The following ANKFY1 variants were observed in gnomAD, a reference collection of about 807,000 sequenced individuals.
ANKFY1 encodes the protein ankyrin repeat and FYVE domain-containing protein 1.
In ANKFY1, 47 loss-of-function variants were observed where a neutral mutation model predicts 128.3. The observed-to-expected ratio is 0.37, with a 90% CI of 0.29 to 0.47. The LOEUF (loss-of-function observed/expected upper bound fraction) is 0.47, where lower values mean the gene tolerates loss of function less well. ANKFY1 is among the 20% of genes least tolerant of loss of function. ANKFY1 has a pLI of 1.00. For missense variants in ANKFY1, 1,222 were observed against 1,510.6 expected (o/e 0.81, Z 3.17); for synonymous variants, 553 against 601.6 (o/e 0.92, Z 1.18).
rs1301770498 is a variant in ANKFY1 at position 4,178,911 on chromosome 17, C to G, written c.2544G>C (p.Lys848Asn). ...GAATGGCCTCGGCTGACTTGTTGTT[C>G]TTGAAAGTCATGGCACAGGCAAACG... Reference protein sequence around the residue: ...LTPFACAMTFKNNKSAEAILK... With the variant: ...LTPFACAMTFNNNKSAEAILK... The change falls in exon 18 of 25, where the codon AAG (lysine) becomes AAC (asparagine). Residue 848 changes from lysine to asparagine, a missense_variant. Transcript: ENST00000341657. The surrounding 1 kb of genome is among the most constrained non-coding windows in gnomAD (Gnocchi z 4.1). 1 of 1,614,186 alleles carries G rather than the reference C, an allele frequency of 6.2e-7. No individual in the cohort carries two copies.
intron 4 of ANKFY1, among the ~76,000 whole-genome samples, chr17:4,214,838 A>G (rs2060194377): frequency 6.6e-6 from 1 of 152,246 alleles, no homozygotes. Context: ...AAATTATTGA[A>G]AAGAAAAATG....
rs2059188067 is a variant in ANKFY1 at position 4,165,083 on chromosome 17, T to G, written c.*2696A>C. 6.6e-6 allele frequency: 1 copy of G among 152,274 alleles called. No individual in the cohort carries two copies. The highest frequency in any genetic ancestry group is 1.5e-5 in the Non-Finnish European group (1 of 68,048). The allele number at this position is 152,274 out of a possible 1,614,324, so 9.4% of individuals were successfully genotyped here. A position where few individuals can be genotyped will look rare whatever the true frequency, so the allele number is the denominator to read the frequency against. On this transcript the variant is annotated 3_prime_UTR_variant, in exon 25 of 25. Coordinates refer to ENST00000341657, the MANE Select transcript of ANKFY1 (RefSeq NM_001330063.2). Reference sequence around the variant, plus strand: ...TTCAAAAGTCCTAAGTGTAGGCACTTAAGTTTATGGGAAATTTCGGTGTTA... The same window carrying G: ...TTCAAAAGTCCTAAGTGTAGGCACTGAAGTTTATGGGAAATTTCGGTGTTA...
chr17:4,168,010 G>T, intron 24 of ANKFY1, 99 bp from the exon 25 acceptor site: 4 of 1,321,602 alleles, frequency 3.0e-6, no homozygotes, highest in South Asian at 3.1e-5. Flanking sequence ...CAGCCAAGGC[G>T]CCCGCAATGC....
chr17:4,225,068 T>G (rs369369105), intron 3 of ANKFY1, among the ~76,000 whole-genome samples: 2 of 147,296 alleles, frequency 1.4e-5, no homozygotes, highest in Non-Finnish European at 3.0e-5. Context: ...AAAAAAAAAC[T>G]TTTTAGGCTG....
At chr17:4,260,799 TAAG>T (rs1555642701) in intron 1 of ANKFY1, among the ~76,000 whole-genome samples, 1 of 152,084 alleles carries the variant, frequency 6.6e-6, no homozygotes, top group Non-Finnish European at 1.5e-5. Flanking sequence ...ACAAGTCACA[TAAG>T]AAGCTGTATC....
chr17:4,166,830 T>C lies in ANKFY1; in HGVS notation c.*949A>G, dbSNP rs1312265002. 1 of 152,340 alleles carries C rather than the reference T, an allele frequency of 6.6e-6. No individual in the cohort carries two copies. The highest frequency in any genetic ancestry group is 1.9e-4 in the East Asian group (1 of 5,204). 9.4% of individuals were successfully genotyped at this position (152,340 alleles called of 1,614,324 possible). On this transcript the variant is annotated 3_prime_UTR_variant, in exon 25 of 25. Transcript: ENST00000341657. ...CTTGGCCTGTATGAATCTCTTGCTC[T>C]AAAAGATGCTCTGTAGAGTTTTTCC...
At chr17:4,235,023 T>A (rs984151382) in intron 3 of ANKFY1, among the ~76,000 whole-genome samples, 3 of 152,186 alleles carry the variant, frequency 2.0e-5, no homozygotes, top group Non-Finnish European at 2.9e-5. Context: ...AGAGTAACTA[T>A]TCTGAGTTCA....
chr17:4,178,516 A>G lies in ANKFY1; in HGVS notation c.2598+341T>C. ...CTCAGGAAGTTGCCCCAACATCACA[A>G]CACAAGCTCTTTCAAAGACACTCCT... On this transcript the variant is annotated intron_variant, in intron 18 of 24. Coordinates refer to ENST00000341657, the MANE Select transcript of ANKFY1 (RefSeq NM_001330063.2). The surrounding 1 kb of genome is among the most constrained non-coding windows in gnomAD (Gnocchi z 4.1). 3.4e-6 allele frequency: 1 copy of G among 296,358 alleles called. No homozygotes were observed. The highest frequency in any genetic ancestry group is 6.6e-6 in the Non-Finnish European group (1 of 151,686). The allele number at this position is 296,358 out of a possible 1,614,324, so 18.4% of individuals were successfully genotyped here.
chr17:4,177,480 C>T (rs1280520155), intron 18 of ANKFY1, among the ~76,000 whole-genome samples, 178 bp from the exon 19 acceptor site: 1 of 152,112 alleles, frequency 6.6e-6, no homozygotes, highest in Non-Finnish European at 1.5e-5. Flanking sequence ...CACAGACCCA[C>T]TCTACACATC....
At chr17:4,240,864 C>G (rs547084034) in intron 2 of ANKFY1, among the ~76,000 whole-genome samples, 114 of 152,328 alleles carry the variant, frequency 7.5e-4, no homozygotes, top group African/African-American at 2.6e-3. Context: ...GTACCCTAAA[C>G]TGGCCCCCTC....
chr17:4,180,760 CAAAA>C (rs11392631), intron 16 of ANKFY1, among the ~76,000 whole-genome samples: 6 of 58,034 alleles, frequency 1.0e-4, no homozygotes, highest in South Asian at 6.9e-4. Flanking sequence ...GACTCTGTCT[CAAAA>C]AAAAAAAAAA....
intron 1 of ANKFY1, among the ~76,000 whole-genome samples, chr17:4,244,793 C>CT (rs1312941803): frequency 6.6e-6 from 1 of 152,174 alleles, no homozygotes; most frequent in Non-Finnish European, 1.5e-5. Context: ...CAGGACCTTT[C>CT]TTTATCATCA....
intron 3 of ANKFY1, among the ~76,000 whole-genome samples, chr17:4,220,182 A>G (rs7225730): frequency 0.94 from 143,768 of 152,268 alleles, 68,444 homozygotes; most frequent in East Asian, 1. Context: ...CAGACAGAAA[A>G]CTAATTAGAT....
rs1176725188 is a variant in ANKFY1, at chr17:4,173,425, C to T, written c.2943G>A (p.Met981Ile). The change falls in exon 21 of 25, where the codon ATG becomes ATA. Residue 981 changes from methionine (M) to isoleucine (I), a missense_variant. Physicochemically the swap from Met to Ile is conservative, Grantham distance 10. Coordinates refer to ENST00000341657, the MANE Select transcript of ANKFY1 (RefSeq NM_001330063.2). ...NGNNALHLAV[M>I]HGRLNNIRVL... is the part of the protein sequence containing the mutation. ...CCCGGATGTTGTTGAGCCGGCCGTGCATGACAGCAAGATGAAGAGCTGGGA... is the reference window on the plus strand; with the variant it reads ...CCCGGATGTTGTTGAGCCGGCCGTGTATGACAGCAAGATGAAGAGCTGGGA... 6.2e-7 allele frequency: 1 copy of T among 1,614,150 alleles called. No homozygotes were observed. The highest frequency in any genetic ancestry group is 1.3e-5 in the African/African-American group (1 of 75,054).
intron 4 of ANKFY1, among the ~76,000 whole-genome samples, chr17:4,213,164 GCAC>G (rs750114152): frequency 6.6e-6 from 1 of 152,046 alleles, no homozygotes; most frequent in Non-Finnish European, 1.5e-5. Context: ...GTAAATGCAG[GCAC>G]CTGCTTTACA....
chr17:4,179,891 G>A lies in ANKFY1; in HGVS notation c.2241-14C>T. 2 of 1,613,678 alleles carry A rather than the reference G, an allele frequency of 1.2e-6. No individual in the cohort carries two copies. The highest frequency in any genetic ancestry group is 1.1e-5 in the South Asian group (1 of 91,054). On this transcript the variant is annotated splice_polypyrimidine_tract_variant and intron_variant, in intron 16 of 24. Coordinates refer to ENST00000341657, the MANE Select transcript of ANKFY1 (RefSeq NM_001330063.2). ...ACGTCACAGCCACTGAAAGGAATGG[G>A]GACATTTTAAAAAACGCCACGCTTG...
chr17:4,202,931 C>T (rs1314658401), intron 7 of ANKFY1, among the ~76,000 whole-genome samples: 1 of 150,304 alleles, frequency 6.7e-6, no homozygotes, highest in East Asian at 1.9e-4. Flanking sequence ...ATCAGATTTA[C>T]TTTATTAATA....
chr17:4,200,530 A>C (rs1441232840), intron 7 of ANKFY1, among the ~76,000 whole-genome samples: 2 of 152,232 alleles, frequency 1.3e-5, no homozygotes, highest in South Asian at 2.1e-4. Flanking sequence ...ACCAAGGTCT[A>C]CAGGATGAAT....
At chr17:4,217,857 T>C (rs1207784743) in intron 3 of ANKFY1, among the ~76,000 whole-genome samples, 2 of 152,050 alleles carry the variant, frequency 1.3e-5, no homozygotes, top group Non-Finnish European at 2.9e-5. Context: ...GGTTAATTTT[T>C]GTATTTTTTG....
Sources: gnomAD v4.1 joint callset for allele counts (sites outside exome capture counted in the v4.1 genomes callset) on GRCh38, gnomAD v4.1.1 for gene constraint, Gnocchi (gnomAD v3.1) non-coding constraint, MANE v1.5 for transcripts, NCBI Gene and HGNC (gene_info 2026-07-23, HGNC 2026-07-21) for gene names.